The following GALNTL6 variants were observed in gnomAD, a reference collection of about 807,000 sequenced individuals.
The protein encoded by GALNTL6 is polypeptide N-acetylgalactosaminyltransferase-like 6.
GALNTL6 carries 46 observed loss-of-function variants against 73.7 expected under a neutral mutation model. The ratio of observed to expected loss-of-function variants is 0.62; its 90% CI spans 0.49 to 0.80. GALNTL6 has a LOEUF of 0.80. GALNTL6 is among the 30% of genes least tolerant of loss of function. The pLI, the probability that GALNTL6 is intolerant of heterozygous loss-of-function variation, is 0.00. For missense variants in GALNTL6, 604 were observed against 755.0 expected, an observed-to-expected ratio of 0.80 and a Z score of 2.34; for synonymous variants, 259 against 263.7, an observed-to-expected ratio of 0.98 and a Z score of 0.17.
chr4:172,549,979 T>G (rs1735899212), intron 5 of GALNTL6, among the ~76,000 whole-genome samples: 2 of 152,206 alleles, frequency 1.3e-5, no homozygotes. Flanking sequence ...TAATATAACT[T>G]CCTTTATTCT....
intron 2 of GALNTL6, among the ~76,000 whole-genome samples, chr4:171,834,052 T>TA (rs1298495093): frequency 1.3e-5 from 2 of 151,940 alleles, no homozygotes; most frequent in East Asian, 1.9e-4. Context: ...ACTTACTTAT[T>TA]AAAAAAACAT....
chr4:171,873,315 T>G (rs1736187745), intron 2 of GALNTL6, among the ~76,000 whole-genome samples: 2 of 152,226 alleles, frequency 1.3e-5, no homozygotes, highest in African/African-American at 4.8e-5. Flanking sequence ...ATAGGATGAT[T>G]GAACGAACTT....
intron 2 of GALNTL6, among the ~76,000 whole-genome samples, chr4:172,136,498 A>T (rs1055991174): frequency 1.3e-5 from 2 of 152,032 alleles, no homozygotes; most frequent in Admixed American, 1.3e-4. Flanking sequence ...AATCCCACAG[A>T]TTCATAATTT....
At chr4:172,003,999 A>G (rs1740753681) in intron 2 of GALNTL6, among the ~76,000 whole-genome samples, 1 of 152,136 alleles carries the variant, frequency 6.6e-6, no homozygotes, top group Non-Finnish European at 1.5e-5. Context: ...AGAGAATATG[A>G]ATCAAGTTTT....
At chr4:172,752,370 G>A (rs1579436217) in intron 5 of GALNTL6, among the ~76,000 whole-genome samples, 1 of 152,010 alleles carries the variant, frequency 6.6e-6, no homozygotes, top group Admixed American at 6.5e-5. Context: ...TTAGCATTTT[G>A]GCATACTTCC....
chr4:172,452,113 G>A (rs1470686776), intron 5 of GALNTL6, among the ~76,000 whole-genome samples: 2 of 152,058 alleles, frequency 1.3e-5, no homozygotes, highest in East Asian at 3.8e-4. Flanking sequence ...ACCTGCAAAC[G>A]AAATTGATAA....
chr4:172,118,182 A>C (rs1733038140), intron 2 of GALNTL6, among the ~76,000 whole-genome samples: 1 of 152,168 alleles, frequency 6.6e-6, no homozygotes. Flanking sequence ...TGATGAATAC[A>C]TGGGGCTTTA....
At position 172,612,998 on chromosome 4, in the gene GALNTL6, C is replaced by T. The variant is rs137980569; in HGVS notation, c.554-196363C>T. 1.0e-3 allele frequency among the ~76,000 whole-genome samples: 153 copies of T among 152,224 alleles called. 1 individual carries two copies. Among genetic ancestry groups the T allele is most frequent in the African/African-American group, 3.4e-3 (140 of 41,568 alleles). On this transcript the variant is annotated intron_variant, in intron 5 of 12. Transcript: ENST00000506823. Reference sequence around the variant, plus strand: ...CTGTCTAACATTACCCCTCTCCCTGCAGTCACTGAATGTGCTCCAACCCTA... The same window carrying T: ...CTGTCTAACATTACCCCTCTCCCTGTAGTCACTGAATGTGCTCCAACCCTA...
At chr4:172,404,084 TTC>T (rs147494252) in intron 5 of GALNTL6, among the ~76,000 whole-genome samples, 5 of 151,344 alleles carry the variant, frequency 3.3e-5, no homozygotes, top group African/African-American at 9.7e-5. Context: ...TTATTTCTCT[TTC>T]TCTCTCTCTC....
intron 2 of GALNTL6, among the ~76,000 whole-genome samples, chr4:171,881,138 G>C (rs946548465): frequency 6.6e-6 from 1 of 152,092 alleles, no homozygotes; most frequent in Non-Finnish European, 1.5e-5. Flanking sequence ...AAGCCAAAGA[G>C]CCTGTAGAGA....
intron 5 of GALNTL6, among the ~76,000 whole-genome samples, chr4:172,744,217 C>T (rs955498837): frequency 1.3e-5 from 2 of 152,116 alleles, no homozygotes; most frequent in African/African-American, 4.8e-5. Flanking sequence ...CTTCTGTAAG[C>T]ATCCACTTTG....
intron 10 of GALNTL6, among the ~76,000 whole-genome samples, chr4:173,007,019 C>G (rs1752332099): frequency 6.6e-6 from 1 of 152,166 alleles, no homozygotes; most frequent in African/African-American, 2.4e-5. Flanking sequence ...GCCTAAGTCC[C>G]TATTGAATAA....
At chr4:172,379,041 A>G (rs1035865773) in intron 5 of GALNTL6, among the ~76,000 whole-genome samples, 1 of 152,210 alleles carries the variant, frequency 6.6e-6, no homozygotes, top group Admixed American at 6.5e-5. Context: ...TAAGACTTAC[A>G]GAAGTTTCCA....
chr4:172,266,690 C>T (rs10866352), intron 3 of GALNTL6, among the ~76,000 whole-genome samples: 96,075 of 151,722 alleles, frequency 0.63, 31,967 homozygotes, highest in African/African-American at 0.86. Flanking sequence ...TTTTTTCATC[C>T]CTTTCCCTAC....
chr4:172,294,088 G>A (rs1739573992), intron 3 of GALNTL6, among the ~76,000 whole-genome samples: 1 of 151,332 alleles, frequency 6.6e-6, no homozygotes, highest in African/African-American at 2.4e-5. Context: ...CTACAAATAA[G>A]AGATTATAAA....
At chr4:171,990,686 A>G (rs1227159737) in intron 2 of GALNTL6, among the ~76,000 whole-genome samples, 1 of 152,224 alleles carries the variant, frequency 6.6e-6, no homozygotes, top group Non-Finnish European at 1.5e-5. Context: ...CAATGATTAT[A>G]CAAACTAAAA....
At chr4:171,881,310 T>G (rs111854664) in intron 2 of GALNTL6, among the ~76,000 whole-genome samples, 116 of 152,332 alleles carry the variant, frequency 7.6e-4, no homozygotes, top group African/African-American at 2.5e-3. Context: ...AGAAATCTTG[T>G]GTTTTTAAAT....
At chr4:172,433,334 G>A (rs942629928) in intron 5 of GALNTL6, among the ~76,000 whole-genome samples, 6 of 151,934 alleles carry the variant, frequency 3.9e-5, no homozygotes, top group East Asian at 1.9e-4. Flanking sequence ...AAGTGTGTTC[G>A]TTGCCCAGTC....
At chr4:172,412,168 C>T (rs1744466589) in intron 5 of GALNTL6, among the ~76,000 whole-genome samples, 1 of 152,074 alleles carries the variant, frequency 6.6e-6, no homozygotes, top group Admixed American at 6.6e-5. Flanking sequence ...CTCAGCCTCC[C>T]AAGTGCCTAA....
Sources: gnomAD v4.1 joint callset for allele counts (sites outside exome capture counted in the v4.1 genomes callset) on GRCh38, gnomAD v4.1.1 for gene constraint, MANE v1.5 for transcripts, NCBI Gene and HGNC (gene_info 2026-07-23, HGNC 2026-07-21) for gene names.